TENM3: variants seen among roughly 807,000 people sequenced by gnomAD.
TENM3 encodes teneurin-3.
A neutral mutation model predicts 255.1 loss-of-function variants in TENM3; 63 were observed. That is an observed-to-expected ratio of 0.25 (90% CI 0.20 to 0.30). TENM3 has a LOEUF of 0.30. Among genes scored for constraint, TENM3 ranks in the 10% least tolerant of loss-of-function variants. TENM3 has a pLI of 1.00. For missense variants in TENM3, 2,929 were observed against 3,461.1 expected (o/e 0.85, Z 3.86); for synonymous variants, 1,306 against 1,322.3 (o/e 0.99, Z 0.27).
intron 3 of TENM3, 31 bp from the exon 4 acceptor site, chr4:182,600,893 C>CTTTGT: frequency 1.0e-6 from 1 of 992,144 alleles, no homozygotes; most frequent in Non-Finnish European, 1.5e-6. Flanking sequence ...AATGAGTTCT[C>CTTTGT]TTTCTTTTTT....
chr4:182,609,467 A>G (rs1443323236), intron 4 of TENM3, among the ~76,000 whole-genome samples: 1 of 152,210 alleles, frequency 6.6e-6, no homozygotes, highest in African/African-American at 2.4e-5. Flanking sequence ...CTTTCTTCTT[A>G]TACCATAAGA....
chr4:182,609,846 G>C (rs1361167693), intron 4 of TENM3, among the ~76,000 whole-genome samples: 1 of 152,204 alleles, frequency 6.6e-6, no homozygotes, highest in Admixed American at 6.5e-5. Flanking sequence ...GTCATGTGAA[G>C]TACCTAATGC....
At chr4:182,748,381 C>A (rs980011816) in intron 19 of TENM3, among the ~76,000 whole-genome samples, 1 of 152,184 alleles carries the variant, frequency 6.6e-6, no homozygotes, top group Non-Finnish European at 1.5e-5. Flanking sequence ...TGGCTGCAGC[C>A]GGTTCCGTCG....
At chr4:182,001,026 T>C in the TENM3 span, among the ~76,000 whole-genome samples, 2 of 138,596 alleles carry the variant, frequency 1.4e-5, no homozygotes, top group East Asian at 4.3e-4. Context: ...TTTTTAATAA[T>C]TCACGGAACA....
At chr4:182,101,297 A>AGGAAAGAAGGGAGGGAGGAAGGAAAGAAG in the TENM3 span, among the ~76,000 whole-genome samples, 1 of 122,374 alleles carries the variant, frequency 8.2e-6, no homozygotes, top group Non-Finnish European at 1.8e-5. Context: ...GGAGGAAGGA[A>AGGAAAGAAGGGAGGGAGGAAGGAAAGAAG]GGAGGGAGGG....
chr4:181,829,667 G>A, the TENM3 span, among the ~76,000 whole-genome samples: 1 of 152,190 alleles, frequency 6.6e-6, no homozygotes, highest in African/African-American at 2.4e-5. Flanking sequence ...AAGTGTAGCA[G>A]ATGCTGCTGA....
At chr4:181,670,880 A>C in the TENM3 span, among the ~76,000 whole-genome samples, 1 of 152,222 alleles carries the variant, frequency 6.6e-6, no homozygotes, top group African/African-American at 2.4e-5. Flanking sequence ...AAATCTAAAC[A>C]GCAGAAAAAA....
At chr4:181,513,861 G>A in the TENM3 span, among the ~76,000 whole-genome samples, 25 of 152,244 alleles carry the variant, frequency 1.6e-4, no homozygotes, top group Non-Finnish European at 2.9e-4. Flanking sequence ...GCCACTTGAC[G>A]TAGGCTAGCT....
chr4:182,550,148 AAAAG>A (rs1741855739), intron 3 of TENM3, among the ~76,000 whole-genome samples: 1 of 152,250 alleles, frequency 6.6e-6, no homozygotes, highest in Non-Finnish European at 1.5e-5. Flanking sequence ...TACGTTTAAA[AAAAG>A]TCAGCATAAA....
chr4:181,664,386 C>T, the TENM3 span, among the ~76,000 whole-genome samples: 1 of 151,978 alleles, frequency 6.6e-6, no homozygotes, highest in South Asian at 2.1e-4. Context: ...AGGAGAATCA[C>T]TTGAACCCAG....
At chr4:182,720,765 TC>T (rs1196061737) in intron 13 of TENM3, among the ~76,000 whole-genome samples, 34 of 141,978 alleles carry the variant, frequency 2.4e-4, no homozygotes, top group African/African-American at 8.6e-4. Context: ...AAGTCTCCCC[TC>T]TTTTTTTTTT....
chr4:182,295,876 C>G (rs1244509493), intron 1 of TENM3, among the ~76,000 whole-genome samples: 1 of 152,142 alleles, frequency 6.6e-6, no homozygotes, highest in Non-Finnish European at 1.5e-5. Context: ...AAAAGTTAAA[C>G]AAGGAGAACT....
At chr4:182,594,805 C>T (rs1244822644) in intron 3 of TENM3, among the ~76,000 whole-genome samples, 4 of 151,408 alleles carry the variant, frequency 2.6e-5, no homozygotes, top group South Asian at 2.1e-4. Context: ...CTGCAACCTC[C>T]GCCTCCTGGG....
chr4:181,951,178 T>A, the TENM3 span, among the ~76,000 whole-genome samples: 2 of 152,230 alleles, frequency 1.3e-5, no homozygotes, highest in African/African-American at 4.8e-5. Context: ...TAAAAATATC[T>A]TTTGCACTCA....
In TENM3 at chr4:182,709,249, C is replaced by CA. The variant is rs1758563649; in HGVS notation, c.2222-4835dup. 3.3e-5 allele frequency among the ~76,000 whole-genome samples: 5 copies of CA among 152,192 alleles called. No homozygotes were observed. In the South Asian group the frequency reaches 1.0e-3, roughly 32 times the overall value. Reference sequence around the variant, plus strand: ...CCTCCTGCCTCAGCCTCCCAAAGTGCAAAGATTACAAGCATAAGCCACCGC... The same window carrying CA: ...CCTCCTGCCTCAGCCTCCCAAAGTGCAAAAGATTACAAGCATAAGCCACCGC... On this transcript the variant is annotated intron_variant, in intron 12 of 27. Coordinates refer to ENST00000511685, the MANE Select transcript of TENM3 (RefSeq NM_001080477.4).
At chr4:182,076,117 C>T in the TENM3 span, among the ~76,000 whole-genome samples, 1 of 151,904 alleles carries the variant, frequency 6.6e-6, no homozygotes, top group Non-Finnish European at 1.5e-5. Flanking sequence ...CACTATGTTG[C>T]CCAGGCTGGT....
the TENM3 span, among the ~76,000 whole-genome samples, chr4:181,494,069 A>T: frequency 6.6e-6 from 1 of 152,148 alleles, no homozygotes; most frequent in Non-Finnish European, 1.5e-5. Flanking sequence ...CTCTTTTATA[A>T]GTGAGGATAC....
intron 1 of TENM3, among the ~76,000 whole-genome samples, chr4:182,262,817 C>T (rs1319334237): frequency 6.6e-6 from 1 of 150,906 alleles, no homozygotes; most frequent in East Asian, 2.0e-4. Flanking sequence ...GGGTTCACGC[C>T]ATTCTCCTGC....
chr4:182,769,821 T>C (rs1764036003), intron 22 of TENM3, among the ~76,000 whole-genome samples: 2 of 151,406 alleles, frequency 1.3e-5, no homozygotes, highest in Non-Finnish European at 2.9e-5. Flanking sequence ...AACAGTCCTT[T>C]TGGCCGGGCG....
Sources: allele counts gnomAD v4.1 joint callset (sites outside exome capture counted in the v4.1 genomes callset), GRCh38; gene constraint gnomAD v4.1.1; transcripts MANE v1.5; gene names NCBI Gene and HGNC (gene_info 2026-07-23, HGNC 2026-07-21).